Variants in ALOX15 observed in about 807,000 individuals in gnomAD.
ALOX15 encodes polyunsaturated fatty acid lipoxygenase ALOX15.
ALOX15 carries 68 observed loss-of-function variants against 71.7 expected under a neutral mutation model. The observed-to-expected ratio is 0.95, with a 90% CI of 0.78 to 1.16. The LOEUF is 1.16. Among genes scored for constraint, ALOX15 ranks in the 50% most tolerant of loss-of-function variants. ALOX15 has a pLI of 0.00. For synonymous variants in ALOX15, 346 were observed against 333.3 expected (o/e 1.04, Z -0.42); for missense variants, 798 against 818.8 (o/e 0.97, Z 0.31).
At position 4,635,863 on chromosome 17, in the gene ALOX15, G is replaced by A. The variant is rs1291727661; in HGVS notation, c.1057C>T (p.Gln353Ter). 5 of 1,614,152 alleles carry A rather than the reference G, an allele frequency of 3.1e-6. No homozygotes were observed. The highest frequency in any genetic ancestry group is 4.2e-6 in the Non-Finnish European group (5 of 1,180,058). ...AKCWVRSSDF[Q>*]LHELQSHLLR... ...AGATGAGACTGCAGCTCATGGAGCT[G>A]GAAGTCAGAGCTGCGCACCCAGCAT... The change falls in exon 8 of 14, where the codon CAG (glutamine) becomes TAG (stop). Residue 353 changes from glutamine to a stop codon, truncating the protein, a stop_gained. Coordinates refer to ENST00000293761, the MANE Select transcript of ALOX15 (RefSeq NM_001140.5). LOFTEE classifies it high-confidence loss of function.
chr17:4,632,402 A>G, intron 11 of ALOX15, 121 bp from the exon 12 acceptor site: 1 of 813,122 alleles, frequency 1.2e-6, no homozygotes, highest in Non-Finnish European at 2.0e-6. Context: ...GTTAACTCTT[A>G]CAGGAATTAC....
chr17:4,631,496 G>T lies in ALOX15; in HGVS notation c.*104C>A. 7.2e-7 allele frequency: 1 copy of T among 1,397,260 alleles called. No individual in the cohort carries two copies. Among genetic ancestry groups the T allele is most frequent in the Non-Finnish European group, 9.7e-7 (1 of 1,031,856 alleles). The allele number at this position is 1,397,260 out of a possible 1,614,324, so 86.6% of individuals were successfully genotyped here. On this transcript the variant is annotated 3_prime_UTR_variant, in exon 14 of 14. Transcript: ENST00000293761. ...AAAGGTGCCCCTCTAGGGAGGGTGG[G>T]ACATGGGAAGAGGGTGGGACTTGGG...
Position 4,637,128 on chromosome 17 carries a change from G to T in ALOX15, c.938C>A (p.Pro313His). ...GAGTCCTCTCACCTGGATGACCATG[G>T]GCAAGAGTTTCCCATCAGGCTGCAA... Reference protein sequence around the residue: ...LKLQPDGKLLPMVIQLQLPRT... With the variant: ...LKLQPDGKLLHMVIQLQLPRT... The change falls in exon 7 of 14, where the codon CCC becomes CAC. Residue 313 changes from proline (P) to histidine (H), a missense_variant. Physicochemically the swap from Pro to His is moderately conservative, Grantham distance 77 (BLOSUM62 -2). Coordinates refer to ENST00000293761, the MANE Select transcript of ALOX15 (RefSeq NM_001140.5). 1 of 1,612,748 alleles carries T rather than the reference G, an allele frequency of 6.2e-7. No individual in the cohort carries two copies. The highest frequency in any genetic ancestry group is 1.1e-5 in the South Asian group (1 of 90,820).
At chr17:4,637,010 T>C in intron 7 of ALOX15, 105 bp downstream of exon 7, 1 of 1,370,254 alleles carries the variant, frequency 7.3e-7, no homozygotes, top group South Asian at 1.4e-5. Flanking sequence ...GTCTCCCAGG[T>C]GCCTTAGCCC....
At chr17:4,640,012 G>A (rs1442235304) in intron 1 of ALOX15, 3 of 90,648 alleles carry the variant, frequency 3.3e-5, no homozygotes, top group Non-Finnish European at 5.5e-5. Context: ...AGGACCTGCA[G>A]GGGCCCCACC....
In ALOX15 at chr17:4,631,675, C is replaced by T. The variant is rs376290153; in HGVS notation, c.1914G>A (p.Glu638=). Residue 638 remains glutamate (E), a synonymous_variant, in exon 14 of 14, where the codon GAG becomes GAA. Transcript: ENST00000293761. ...EELAALDKEI[E]IRNAKLDMPY... ...GCATGTCCAGCTTTGCATTCCGGATCTCAATTTCCTTATCCAGGGCAGCCA... is the reference window on the plus strand; with the variant it reads ...GCATGTCCAGCTTTGCATTCCGGATTTCAATTTCCTTATCCAGGGCAGCCA... The T allele has an allele frequency of 8.7e-6, 14 of 1,614,098 alleles. No individual in the cohort carries two copies. In the African/African-American group the frequency reaches 1.9e-4, roughly 22 times the overall value.
rs373400860 is a variant in ALOX15 at position 4,632,991 on chromosome 17, C to G, written c.1419-9G>C. On this transcript the variant is annotated splice_polypyrimidine_tract_variant and intron_variant, in intron 10 of 13. Coordinates refer to ENST00000293761, the MANE Select transcript of ALOX15 (RefSeq NM_001140.5). Reference sequence around the variant, plus strand: ...CGATTCCTTCCACATACCTACCAACCAACGGAGCAGGGCCAGGGAGCTGAA... The same window carrying G: ...CGATTCCTTCCACATACCTACCAACGAACGGAGCAGGGCCAGGGAGCTGAA... 2 of 1,614,004 alleles carry G rather than the reference C, an allele frequency of 1.2e-6. No individual in the cohort carries two copies. The highest frequency in any genetic ancestry group is 1.7e-5 in the Admixed American group (1 of 60,004).
At chr17:4,641,442 C>A (rs534970264) in intron 1 of ALOX15, 75 bp downstream of exon 1, 21 of 1,547,060 alleles carry the variant, frequency 1.4e-5, no homozygotes, top group Non-Finnish European at 1.8e-5. Flanking sequence ...CCAACGGGGG[C>A]GCATGTCCTC....
intron 1 of ALOX15, 122 bp from the exon 2 acceptor site, chr17:4,639,753 G>A: frequency 2.0e-6 from 2 of 1,013,460 alleles, no homozygotes; most frequent in Non-Finnish European, 2.8e-6. Context: ...AGACGTATCG[G>A]GGTGCGGGGA....
chr17:4,636,573 G>A (rs1469274543), intron 7 of ALOX15, among the ~76,000 whole-genome samples: 1 of 151,972 alleles, frequency 6.6e-6, no homozygotes, highest in Non-Finnish European at 1.5e-5. Flanking sequence ...GTCAGTGCTG[G>A]GGCATGTTGC....
At position 4,638,861 on chromosome 17, in the gene ALOX15, C is replaced by T. The variant is rs781649588; in HGVS notation, c.531G>A (p.Ser177=). ...CCCCTTGCTCTCACCCCTTGGCCAGCGAAACCTCAAAGTCAACTCTCTTGT... is the reference window on the plus strand; with the variant it reads ...CCCCTTGCTCTCACCCCTTGGCCAGTGAAACCTCAAAGTCAACTCTCTTGT... The part of the protein sequence containing the change: ...LEDKRVDFEV[S]LAKGLADLAI... The change falls in exon 4 of 14, where the codon TCG becomes TCA. Residue 177 remains serine, a synonymous_variant. Coordinates refer to ENST00000293761, the MANE Select transcript of ALOX15 (RefSeq NM_001140.5). 3.7e-6 allele frequency: 6 copies of T among 1,614,186 alleles called. No homozygotes were observed. The highest frequency in any genetic ancestry group is 2.2e-5 in the South Asian group (2 of 91,080).
chr17:4,640,948 G>T (rs146751090), intron 1 of ALOX15, among the ~76,000 whole-genome samples: 7 of 151,504 alleles, frequency 4.6e-5, no homozygotes, highest in African/African-American at 1.7e-4. Context: ...CCGGATTTGG[G>T]GATCTGGGAG....
At chr17:4,637,400 CTCATA>C in intron 6 of ALOX15, 142 bp from the exon 7 acceptor site, 2 of 1,004,164 alleles carry the variant, frequency 2.0e-6, no homozygotes, top group South Asian at 5.0e-5. Context: ...TGCTTACTTC[CTCATA>C]TCATTTTTTT....
intron 8 of ALOX15, among the ~76,000 whole-genome samples, chr17:4,635,274 T>A (rs577925896): frequency 6.7e-6 from 1 of 150,284 alleles, no homozygotes; most frequent in East Asian, 2.0e-4. Context: ...CTATTAAAAA[T>A]ACAAAAAAAA....
In ALOX15 at chr17:4,641,413, A is replaced by G. The variant is rs1911324188; in HGVS notation, c.135+104T>C. The G allele has an allele frequency of 4.0e-6, 6 of 1,499,188 alleles. No individual in the cohort carries two copies. In the South Asian group the frequency reaches 5.2e-5, roughly 13 times the overall value. 92.9% of individuals were successfully genotyped at this position (1,499,188 alleles called of 1,614,324 possible). ...TGAGCCCAATGCGCGGGCCCTTGGC[A>G]AAGAGAATCGGCCAGAGGCCAACGG... On this transcript the variant is annotated intron_variant, in intron 1 of 13. Transcript: ENST00000293761.
chr17:4,639,592 G>T lies in ALOX15; in HGVS notation c.175C>A (p.Pro59Thr). Residue 59 changes from proline to threonine, a missense_variant, in exon 2 of 14, where the codon CCG becomes ACG. Physicochemically the swap from Pro to Thr is conservative, Grantham distance 38 (BLOSUM62 -1). This residue lies in a region of ALOX15 where 300 missense variants were observed against 283.1 expected (regional missense o/e 1.06). Transcript: ENST00000293761. ...TTGCGCAGTTTCACAAACAGCAGCG[G>T]CCCCAGATACTCCGGTACTTCCACC... ...LKVEVPEYLG[P>T]LLFVKLRKRH... 6.2e-7 allele frequency: 1 copy of T among 1,613,956 alleles called. No individual in the cohort carries two copies. The highest frequency in any genetic ancestry group is 8.5e-7 in the Non-Finnish European group (1 of 1,179,950).
At chr17:4,632,829 G>A (rs1158895384) in intron 11 of ALOX15, 32 bp downstream of exon 11, 10 of 1,613,574 alleles carry the variant, frequency 6.2e-6, no homozygotes, top group Non-Finnish European at 8.5e-6. Flanking sequence ...TGGGCTTTGT[G>A]TCTGAGATCT....
At chr17:4,638,551 T>C (rs1158376497) in intron 5 of ALOX15, 30 bp downstream of exon 5, 5 of 1,606,570 alleles carry the variant, frequency 3.1e-6, no homozygotes, top group Admixed American at 3.3e-5. Context: ...ATCTGGGGGG[T>C]TGGGAGACAT....
In ALOX15 at chr17:4,640,374, T is replaced by TA. The variant is rs537284406; in HGVS notation, c.136-744dup. ...TGGAGGTTTGAAATGGCTTTTAAAATAGAGAAACCGGGAGGACCGACGACC... is the reference window on the plus strand; with the variant it reads ...TGGAGGTTTGAAATGGCTTTTAAAATAAGAGAAACCGGGAGGACCGACGACC... On this transcript the variant is annotated intron_variant, in intron 1 of 13. Transcript: ENST00000293761. Among the ~76,000 whole-genome samples the TA allele has an allele frequency of 2.2e-3, 309 of 141,160 alleles. 4 individuals are homozygous for TA. Among genetic ancestry groups the TA allele is most frequent in the African/African-American group, 8.3e-3 (297 of 35,616 alleles). The allele number at this position is 141,160 out of a possible 152,430, so 92.6% of individuals were successfully genotyped here. A position where few individuals can be genotyped will look rare whatever the true frequency, so the allele number is the denominator to read the frequency against.
Sources: allele counts gnomAD v4.1 joint callset (sites outside exome capture counted in the v4.1 genomes callset), GRCh38; gene constraint gnomAD v4.1.1; regional missense constraint gnomAD v4.1.1; transcripts MANE v1.5; gene names NCBI Gene and HGNC (gene_info 2026-07-23, HGNC 2026-07-21).